The following RAB10 variants were observed in gnomAD, a reference collection of about 807,000 sequenced individuals.
RAB10 encodes RAB10, member RAS oncogene family, also known as ras-related protein Rab-10.
In RAB10, 5 loss-of-function variants were observed where a neutral mutation model predicts 25.7. That is an observed-to-expected ratio of 0.19 (90% CI 0.10 to 0.41). The LOEUF is 0.41. Ranked by LOEUF, RAB10 falls within the 10% of genes least tolerant of loss-of-function variation. The pLI is 1.00. For missense variants in RAB10, 103 were observed against 245.8 expected (o/e 0.42, Z 3.89); for synonymous variants, 89 against 86.4 (o/e 1.03, Z -0.16).
chr2:26,058,635 A>G (rs975715332), intron 1 of RAB10, among the ~76,000 whole-genome samples: 4 of 152,076 alleles, frequency 2.6e-5, no homozygotes, highest in African/African-American at 7.2e-5. Context: ...CCCTGCAGCA[A>G]TTCATCTTTG....
chr2:26,066,177 G>A (rs527476028), intron 1 of RAB10, among the ~76,000 whole-genome samples: 1 of 152,260 alleles, frequency 6.6e-6, no homozygotes, highest in South Asian at 2.1e-4. Flanking sequence ...TCTCATGATA[G>A]TGATAAACTT....
chr2:26,100,513 G>T (rs943820096), intron 2 of RAB10, among the ~76,000 whole-genome samples: 7 of 151,984 alleles, frequency 4.6e-5, no homozygotes, highest in Non-Finnish European at 1.5e-5. Flanking sequence ...GAATTAAAAA[G>T]GTATATTTCC....
chr2:26,091,401 G>T (rs930068571), intron 1 of RAB10, among the ~76,000 whole-genome samples: 3 of 152,068 alleles, frequency 2.0e-5, no homozygotes, highest in African/African-American at 4.8e-5. Flanking sequence ...GAGGTTAGGG[G>T]AATAGTACCT....
rs547137264 is a variant in RAB10 at position 26,036,894 on chromosome 2, A to G, written c.127+2159A>G. On this transcript the variant is annotated intron_variant, in intron 1 of 5. Transcript: ENST00000264710. ...AACCTCCGCCTCAGGGGTTCAAGCA[A>G]TTCTGCCTCAGCTTCCTGAGTAGCA... Among the ~76,000 whole-genome samples the G allele has an allele frequency of 2.1e-3, 326 of 151,916 alleles. 1 individual carries two copies. The highest frequency in any genetic ancestry group is 6.8e-3 in the Middle Eastern group (2 of 292).
intron 1 of RAB10, among the ~76,000 whole-genome samples, chr2:26,072,062 T>C (rs1666638709): frequency 1.5e-5 from 1 of 64,808 alleles, no homozygotes; most frequent in African/African-American, 5.1e-5. Context: ...CAATACATGC[T>C]GTTATAAAAT....
chr2:26,098,412 T>C (rs1373097736), intron 1 of RAB10: 5 of 413,490 alleles, frequency 1.2e-5, no homozygotes, highest in Non-Finnish European at 2.2e-5. Context: ...GTGCTGGGAT[T>C]AGAGGCGTGA....
chr2:26,040,088 A>G (rs112035299), intron 1 of RAB10, among the ~76,000 whole-genome samples: 279 of 152,276 alleles, frequency 1.8e-3, no homozygotes, highest in African/African-American at 6.5e-3. Context: ...CGTGCAGATG[A>G]CTAGAAATAC....
chr2:26,107,534 G>A (rs1262315062), intron 2 of RAB10, among the ~76,000 whole-genome samples: 2 of 152,056 alleles, frequency 1.3e-5, no homozygotes, highest in Non-Finnish European at 2.9e-5. Context: ...GGTGGCTCAC[G>A]CCTGTAATCC....
intron 1 of RAB10, among the ~76,000 whole-genome samples, chr2:26,087,677 C>T (rs1160102569): frequency 6.6e-6 from 1 of 152,212 alleles, no homozygotes; most frequent in Non-Finnish European, 1.5e-5. Flanking sequence ...GCTGGGATTA[C>T]AGGTGTGAGC....
chr2:26,080,550 G>A (rs966346245), intron 1 of RAB10, among the ~76,000 whole-genome samples: 1 of 152,014 alleles, frequency 6.6e-6, no homozygotes, highest in Non-Finnish European at 1.5e-5. Flanking sequence ...TTCATCAAAT[G>A]TACACAGGAG....
chr2:26,085,814 T>G (rs2149275462), intron 1 of RAB10, among the ~76,000 whole-genome samples: 1 of 151,440 alleles, frequency 6.6e-6, no homozygotes, highest in African/African-American at 2.4e-5. Flanking sequence ...CTGACCAACA[T>G]GGAGAAACCC....
chr2:26,071,914 G>T (rs1666634000), intron 1 of RAB10, among the ~76,000 whole-genome samples: 1 of 152,096 alleles, frequency 6.6e-6, no homozygotes, highest in Non-Finnish European at 1.5e-5. Flanking sequence ...TGTGTCTGCT[G>T]CTGTGAGTGT....
chr2:26,105,338 G>C (rs1667446006), intron 2 of RAB10, among the ~76,000 whole-genome samples: 1 of 152,094 alleles, frequency 6.6e-6, no homozygotes, highest in Admixed American at 6.6e-5. Flanking sequence ...AGAGTCATGA[G>C]AATAAAGTGT....
intron 3 of RAB10, 41 bp from the exon 4 acceptor site, chr2:26,127,103 T>C: frequency 7.1e-7 from 1 of 1,408,676 alleles, no homozygotes; most frequent in Non-Finnish European, 9.9e-7. Context: ...TAAGCCGTAA[T>C]TCATGGTAGT....
At chr2:26,043,904 C>T (rs1265375782) in intron 1 of RAB10, among the ~76,000 whole-genome samples, 1 of 152,118 alleles carries the variant, frequency 6.6e-6, no homozygotes, top group African/African-American at 2.4e-5. Context: ...AAGACAAATA[C>T]TATGTGATTT....
At chr2:26,130,911 C>T (rs1460977374) in intron 5 of RAB10, among the ~76,000 whole-genome samples, 1 of 152,080 alleles carries the variant, frequency 6.6e-6, no homozygotes, top group Admixed American at 6.6e-5. Flanking sequence ...GGAGTTACTG[C>T]AAGACCTAGT....
chr2:26,119,371 T>C (rs1667756987), intron 3 of RAB10, among the ~76,000 whole-genome samples: 3 of 152,156 alleles, frequency 2.0e-5, no homozygotes. Flanking sequence ...ATTATAGCAG[T>C]GCATTCCAGC....
At chr2:26,131,004 TC>T (rs1373366809) in intron 5 of RAB10, among the ~76,000 whole-genome samples, 1 of 151,536 alleles carries the variant, frequency 6.6e-6, no homozygotes, top group Non-Finnish European at 1.5e-5. Context: ...CTATACTATG[TC>T]CTTTGATCTT....
chr2:26,078,362 AAC>A (rs1666784018), intron 1 of RAB10, among the ~76,000 whole-genome samples: 1 of 152,226 alleles, frequency 6.6e-6, no homozygotes, highest in Non-Finnish European at 1.5e-5. Context: ...GTATAATGAA[AAC>A]AGTCTTGAAA....
Sources: allele counts gnomAD v4.1 joint callset (sites outside exome capture counted in the v4.1 genomes callset), GRCh38; gene constraint gnomAD v4.1.1; transcripts MANE v1.5; gene names NCBI Gene and HGNC (gene_info 2026-07-23, HGNC 2026-07-21).